Variants in ANKS1B observed in about 807,000 individuals in gnomAD.
ANKS1B encodes ankyrin repeat and sterile alpha motif domain containing 1B.
A neutral mutation model predicts 148.3 loss-of-function variants in ANKS1B; 36 were observed. The ratio of observed to expected loss-of-function variants is 0.24; its 90% CI spans 0.19 to 0.32. ANKS1B has a LOEUF of 0.32. Ranked by LOEUF, ANKS1B falls within the 10% of genes least tolerant of loss-of-function variation. ANKS1B has a pLI of 1.00. For synonymous variants in ANKS1B, 542 were observed against 560.8 expected (o/e 0.97, Z 0.47); for missense variants, 1,157 against 1,542.6 (o/e 0.75, Z 4.19).
chr12:99,309,408 T>G (rs547145550), intron 12 of ANKS1B, among the ~76,000 whole-genome samples: 1 of 151,984 alleles, frequency 6.6e-6, no homozygotes, highest in Non-Finnish European at 1.5e-5. Context: ...TTCCACATAT[T>G]GAAACACTCT....
chr12:99,246,355 A>T lies in ANKS1B; in HGVS notation c.2266T>A (p.Trp756Arg), dbSNP rs771814518. The change falls in exon 13 of 27, where the codon TGG (tryptophan) becomes AGG (arginine). Residue 756 changes from tryptophan to arginine, a missense_variant. Around this residue, in one of 6 missense-constraint regions of ANKS1B, gnomAD observed 661 missense variants for 642.1 expected, o/e 1.03. Transcript: ENST00000683438. ...TGTTCAGCAGTGGAAGATTCACTCC[A>T]GTTAACTCTTGATGTTTTCTCATTG... ...PSNEKTSRVN[W>R]SESSTAEHSS... 6 of 1,613,756 alleles carry T rather than the reference A, an allele frequency of 3.7e-6. No individual in the cohort carries two copies. The highest frequency in any genetic ancestry group is 5.1e-6 in the Non-Finnish European group (6 of 1,179,772).
chr12:98,894,845 G>C (rs1596451774), intron 17 of ANKS1B: 1 of 981,174 alleles, frequency 1.0e-6, no homozygotes, highest in Non-Finnish European at 1.2e-6. Flanking sequence ...GCGCTGCGCC[G>C]AGCGCCGGGC....
chr12:99,509,218 G>T (rs1258219626), intron 9 of ANKS1B, among the ~76,000 whole-genome samples: 1 of 151,650 alleles, frequency 6.6e-6, no homozygotes, highest in East Asian at 1.9e-4. Context: ...TTGAAATTAG[G>T]CCAATTAGTA....
intron 1 of ANKS1B, among the ~76,000 whole-genome samples, chr12:99,942,518 G>A (rs2094945358): frequency 6.6e-6 from 1 of 152,030 alleles, no homozygotes; most frequent in South Asian, 2.1e-4. Context: ...AGGGACAACA[G>A]AAGGAAGAAA....
intron 12 of ANKS1B, among the ~76,000 whole-genome samples, chr12:99,312,988 GT>G (rs1278906285): frequency 2.0e-5 from 3 of 152,148 alleles, no homozygotes; most frequent in Admixed American, 2.0e-4. Flanking sequence ...CCAGGAGATG[GT>G]TTTTTGAAAA....
chr12:99,108,178 G>C (rs895525272), intron 15 of ANKS1B, among the ~76,000 whole-genome samples: 7 of 152,196 alleles, frequency 4.6e-5, no homozygotes, highest in African/African-American at 1.2e-4. Flanking sequence ...ATCAAAGTAG[G>C]TGATGATGCT....
intron 2 of ANKS1B, among the ~76,000 whole-genome samples, chr12:99,815,629 A>G (rs1368217249): frequency 3.3e-5 from 5 of 151,474 alleles, no homozygotes; most frequent in Non-Finnish European, 7.4e-5. Context: ...GTTGTGTTTT[A>G]TCCTTCACTC....
chr12:99,504,349 T>C (rs971558220), intron 10 of ANKS1B, 127 bp downstream of exon 10: 12 of 941,560 alleles, frequency 1.3e-5, no homozygotes, highest in Non-Finnish European at 7.8e-6. Context: ...GAAAAAATAA[T>C]TATTGGAACT....
rs150928451 is a variant in ANKS1B, at chr12:99,102,218, T to C, written c.2527-17195A>G. Among the ~76,000 whole-genome samples, 1,075 of 152,236 alleles carry C rather than the reference T, an allele frequency of 7.1e-3. 13 individuals carry two copies. Among genetic ancestry groups the C allele is most frequent in the South Asian group, 0.047 (228 of 4,814 alleles). On this transcript the variant is annotated intron_variant, in intron 15 of 26. Coordinates refer to ENST00000683438, the MANE Select transcript of ANKS1B (RefSeq NM_001352186.2). ...AAGTGGAAAAGGCCCTTTGGTTTGGTAAAATACAGCAGCTCATGAGGACCC... is the reference window on the plus strand; with the variant it reads ...AAGTGGAAAAGGCCCTTTGGTTTGGCAAAATACAGCAGCTCATGAGGACCC...
At chr12:98,870,505 A>G (rs1450428305) in intron 17 of ANKS1B, among the ~76,000 whole-genome samples, 1 of 152,204 alleles carries the variant, frequency 6.6e-6, no homozygotes, top group Non-Finnish European at 1.5e-5. Context: ...TATTTAAATA[A>G]ACCACCACTT....
chr12:99,327,028 A>C (rs1211145061), intron 12 of ANKS1B, among the ~76,000 whole-genome samples: 1 of 119,044 alleles, frequency 8.4e-6, no homozygotes, highest in Non-Finnish European at 1.6e-5. Context: ...ATTATAATAA[A>C]TATTATATAT....
intron 8 of ANKS1B, among the ~76,000 whole-genome samples, chr12:99,664,781 A>G (rs376980797): frequency 6.6e-6 from 1 of 152,200 alleles, no homozygotes; most frequent in South Asian, 2.1e-4. Context: ...TATGTTTGGC[A>G]TAAGTTTTCT....
At chr12:99,315,846 G>T (rs1439243275) in intron 12 of ANKS1B, among the ~76,000 whole-genome samples, 2 of 151,896 alleles carry the variant, frequency 1.3e-5, no homozygotes, top group Non-Finnish European at 2.9e-5. Context: ...ACAGGCCCCG[G>T]TGTGTGATGT....
chr12:99,734,450 C>A (rs1967184), intron 8 of ANKS1B, among the ~76,000 whole-genome samples: 1 of 151,950 alleles, frequency 6.6e-6, no homozygotes, highest in East Asian at 1.9e-4. Flanking sequence ...TGCGCCACCA[C>A]GCATGGCTAA....
chr12:99,561,480 C>T (rs996886050), intron 9 of ANKS1B, among the ~76,000 whole-genome samples: 9 of 152,012 alleles, frequency 5.9e-5, no homozygotes, highest in South Asian at 2.1e-4. Flanking sequence ...TAAATCCTCT[C>T]GGGAGGAAAT....
chr12:98,984,238 G>C (rs7967579), intron 17 of ANKS1B, among the ~76,000 whole-genome samples: 45,235 of 152,100 alleles, frequency 0.3, 7,493 homozygotes, highest in African/African-American at 0.45. Flanking sequence ...TGGAAGGGTA[G>C]TTTGTGTGGT....
At chr12:99,825,266 G>A (rs759036962) in intron 2 of ANKS1B, 43 bp downstream of exon 2, 2 of 1,503,736 alleles carry the variant, frequency 1.3e-6, no homozygotes, top group Non-Finnish European at 1.8e-6. Flanking sequence ...TTCATCACAT[G>A]TAACTAAATA....
At chr12:99,943,114 A>T (rs2094960257) in intron 1 of ANKS1B, among the ~76,000 whole-genome samples, 1 of 152,188 alleles carries the variant, frequency 6.6e-6, no homozygotes, top group Non-Finnish European at 1.5e-5. Flanking sequence ...TGAAGGCAAC[A>T]TAGAGGAGGA....
At chr12:99,250,639 A>C (rs893242675) in intron 12 of ANKS1B, among the ~76,000 whole-genome samples, 8 of 152,162 alleles carry the variant, frequency 5.3e-5, no homozygotes, top group African/African-American at 1.9e-4. Flanking sequence ...GAAGACACCC[A>C]CCAGGATCAT....
Sources: allele counts gnomAD v4.1 joint callset (sites outside exome capture counted in the v4.1 genomes callset), GRCh38; gene constraint gnomAD v4.1.1; regional missense constraint gnomAD v4.1.1; transcripts MANE v1.5; gene names NCBI Gene and HGNC (gene_info 2026-07-23, HGNC 2026-07-21).